RNF150: variants seen among roughly 807,000 people sequenced by gnomAD.
The protein encoded by RNF150 is ring finger protein 150.
Under a neutral mutation model 39.3 loss-of-function variants are expected in RNF150, and 24 were observed. That is an observed-to-expected ratio of 0.61 (90% CI 0.44 to 0.86). The LOEUF is 0.86. Ranked by LOEUF, RNF150 falls within the 40% of genes least tolerant of loss-of-function variation. The probability of loss-of-function intolerance (pLI) is 0.00; values close to 1 mark genes in which losing one functional copy is unlikely to be tolerated. For synonymous variants in RNF150, 255 were observed against 227.3 expected (o/e 1.12, Z -1.10); for missense variants, 502 against 587.8 (o/e 0.85, Z 1.51).
At chr4:141,167,699 T>C (rs1310368666) in intron 1 of RNF150, among the ~76,000 whole-genome samples, 1 of 152,110 alleles carries the variant, frequency 6.6e-6, no homozygotes, top group Non-Finnish European at 1.5e-5. Context: ...GGGAAAAAAT[T>C]CCCTATTTAG....
intron 6 of RNF150, among the ~76,000 whole-genome samples, chr4:140,901,532 G>A (rs920852547): frequency 2.0e-5 from 3 of 152,126 alleles, no homozygotes; most frequent in Non-Finnish European, 4.4e-5. Context: ...AATATACATT[G>A]CAATACATTC....
chr4:141,012,041 G>C (rs1304633927), intron 1 of RNF150, among the ~76,000 whole-genome samples: 3 of 152,160 alleles, frequency 2.0e-5, no homozygotes, highest in Non-Finnish European at 4.4e-5. Context: ...TCTTTTTTGA[G>C]TACAGCTACT....
intron 6 of RNF150, among the ~76,000 whole-genome samples, chr4:140,887,052 T>A: frequency 6.6e-6 from 1 of 152,170 alleles, no homozygotes. Context: ...TATTCTGAAA[T>A]CCCTAGAGTG....
At chr4:140,950,147 A>G (rs1459296432) in intron 2 of RNF150, among the ~76,000 whole-genome samples, 1 of 152,198 alleles carries the variant, frequency 6.6e-6, no homozygotes, top group African/African-American at 2.4e-5. Flanking sequence ...AAGCAAAAAA[A>G]TTGCATGTGA....
At chr4:141,066,472 A>C (rs1737466570) in intron 1 of RNF150, among the ~76,000 whole-genome samples, 1 of 152,196 alleles carries the variant, frequency 6.6e-6, no homozygotes, top group South Asian at 2.1e-4. Flanking sequence ...ATAATTTTTC[A>C]GTGAGTTTAC....
At chr4:141,075,651 G>A (rs887266443) in intron 1 of RNF150, among the ~76,000 whole-genome samples, 3 of 152,086 alleles carry the variant, frequency 2.0e-5, no homozygotes, top group African/African-American at 7.2e-5. Context: ...CATCATTTGA[G>A]TTGCAGCTAA....
intron 1 of RNF150, among the ~76,000 whole-genome samples, chr4:141,180,337 A>T (rs1049102002): frequency 6.6e-6 from 1 of 152,154 alleles, no homozygotes; most frequent in African/African-American, 2.4e-5. Flanking sequence ...GGCATAAGGA[A>T]TATCCCTCAA....
intron 5 of RNF150, 124 bp from the exon 6 acceptor site, chr4:140,911,478 C>T (rs1730604189): frequency 1.4e-6 from 1 of 731,000 alleles, no homozygotes; most frequent in East Asian, 2.8e-5. Flanking sequence ...TCTTGAGCCA[C>T]TTTATTTAAA....
chr4:141,088,586 T>C (rs1738456372), intron 1 of RNF150, among the ~76,000 whole-genome samples: 1 of 152,112 alleles, frequency 6.6e-6, no homozygotes, highest in African/African-American at 2.4e-5. Flanking sequence ...TTTTTTTAAA[T>C]GTTGGTTACC....
At chr4:141,149,033 TCA>T (rs1578767357) in intron 1 of RNF150, among the ~76,000 whole-genome samples, 1 of 152,276 alleles carries the variant, frequency 6.6e-6, no homozygotes, top group East Asian at 1.9e-4. Context: ...AACTTGAAGC[TCA>T]CAGTGTGGTA....
intron 1 of RNF150, among the ~76,000 whole-genome samples, chr4:140,990,943 T>C (rs1560672429): frequency 1.3e-5 from 2 of 152,158 alleles, no homozygotes; most frequent in Non-Finnish European, 2.9e-5. Context: ...GTAATCTACA[T>C]TCCCAGCAAT....
At chr4:141,188,644 A>G (rs572772176) in intron 1 of RNF150, among the ~76,000 whole-genome samples, 1 of 152,054 alleles carries the variant, frequency 6.6e-6, no homozygotes, top group African/African-American at 2.4e-5. Context: ...CAATTCAGCA[A>G]TTGATACTTG....
At chr4:141,028,752 T>C (rs1166847719) in intron 1 of RNF150, among the ~76,000 whole-genome samples, 1 of 152,182 alleles carries the variant, frequency 6.6e-6, no homozygotes, top group Non-Finnish European at 1.5e-5. Flanking sequence ...GCTTCTTAAA[T>C]TTAAAACTCT....
At chr4:141,096,827 G>T (rs1202953725) in intron 1 of RNF150, among the ~76,000 whole-genome samples, 2 of 152,206 alleles carry the variant, frequency 1.3e-5, no homozygotes, top group Non-Finnish European at 2.9e-5. Flanking sequence ...TGGACAGAGT[G>T]CTCTGAATAC....
At position 140,949,322 on chromosome 4, in the gene RNF150, C is replaced by A. The variant is rs866647356; in HGVS notation, c.786G>T (p.Arg262Ser). ...TTACCTTGTCACCCTTCTTGATGGT[C>A]CTGATCTGGAGTTTGCTGATGGCTT... ...AKKAISKLQI[R>S]TIKKGDKETE... is the part of the protein sequence containing the mutation. The change falls in exon 3 of 7, where the codon AGG becomes AGT. Residue 262 changes from arginine to serine, a missense_variant. By Grantham distance (110) the Arg-to-Ser change is moderately radical. Transcript: ENST00000515673. 6.2e-7 allele frequency: 1 copy of A among 1,612,778 alleles called. No homozygotes were observed. The highest frequency in any genetic ancestry group is 1.7e-5 in the Admixed American group (1 of 59,918).
chr4:141,079,315 C>A (rs1054756633), intron 1 of RNF150, among the ~76,000 whole-genome samples: 13 of 152,250 alleles, frequency 8.5e-5, no homozygotes, highest in East Asian at 1.9e-4. Context: ...TCATTCTGAA[C>A]AATAGTAGGC....
At chr4:141,177,347 C>T (rs1166517783) in intron 1 of RNF150, among the ~76,000 whole-genome samples, 2 of 152,312 alleles carry the variant, frequency 1.3e-5, no homozygotes, top group Non-Finnish European at 1.5e-5. Flanking sequence ...CATGTTTCTA[C>T]TGAGGATAGA....
chr4:141,172,617 A>T (rs1032470588), intron 1 of RNF150, among the ~76,000 whole-genome samples: 1 of 152,212 alleles, frequency 6.6e-6, no homozygotes, highest in Non-Finnish European at 1.5e-5. Flanking sequence ...CCGTGTGCCC[A>T]TGATACCAAG....
chr4:141,197,072 T>G (rs1728212839), intron 1 of RNF150, among the ~76,000 whole-genome samples: 1 of 152,240 alleles, frequency 6.6e-6, no homozygotes, highest in South Asian at 2.1e-4. Flanking sequence ...AACAATTTTT[T>G]TTTTACTCCT....
Sources: gnomAD v4.1 joint callset for allele counts (sites outside exome capture counted in the v4.1 genomes callset) on GRCh38, gnomAD v4.1.1 for gene constraint, MANE v1.5 for transcripts, NCBI Gene and HGNC (gene_info 2026-07-23, HGNC 2026-07-21) for gene names.